The following SDCCAG8 variants were observed in gnomAD, a reference collection of about 807,000 sequenced individuals.
The protein encoded by SDCCAG8 is SHH signaling and ciliogenesis regulator SDCCAG8.
A neutral mutation model predicts 101.8 loss-of-function variants in SDCCAG8; 74 were observed. That is an observed-to-expected ratio of 0.73 (90% CI 0.60 to 0.88). The LOEUF (loss-of-function observed/expected upper bound fraction) is 0.88. Among genes scored for constraint, SDCCAG8 ranks in the 40% least tolerant of loss-of-function variants. The pLI is 0.00. For synonymous variants in SDCCAG8, 281 were observed against 292.9 expected (o/e 0.96, Z 0.41); for missense variants, 787 against 822.6 (o/e 0.96, Z 0.53).
At chr1:243,496,273 G>A (rs1000796916) in intron 17 of SDCCAG8, among the ~76,000 whole-genome samples, 3 of 152,218 alleles carry the variant, frequency 2.0e-5, no homozygotes, top group African/African-American at 7.2e-5. Flanking sequence ...GCGGGTGCGG[G>A]CGGAGCCGGG....
intron 8 of SDCCAG8, 94 bp from the exon 9 acceptor site, chr1:243,316,661 C>T: frequency 6.7e-7 from 1 of 1,498,450 alleles, no homozygotes; most frequent in Non-Finnish European, 9.3e-7. Flanking sequence ...TACCCTGGCT[C>T]TTCTAATACA....
chr1:243,472,551 C>T (rs1423010869), intron 16 of SDCCAG8, among the ~76,000 whole-genome samples: 1 of 152,220 alleles, frequency 6.6e-6, no homozygotes, highest in Non-Finnish European at 1.5e-5. Flanking sequence ...CACTTATGGT[C>T]AGCTGTGTCC....
intron 12 of SDCCAG8, among the ~76,000 whole-genome samples, chr1:243,355,170 AT>A (rs2076314450): frequency 6.6e-6 from 1 of 152,244 alleles, no homozygotes; most frequent in African/African-American, 2.4e-5. Context: ...TTACACTTAC[AT>A]TTAGGAAAAA....
chr1:243,353,218 T>C (rs2147822852), intron 12 of SDCCAG8, among the ~76,000 whole-genome samples: 1 of 151,950 alleles, frequency 6.6e-6, no homozygotes, highest in African/African-American at 2.4e-5. Flanking sequence ...GGGCCAGCCG[T>C]GGTGGCTCAT....
intron 12 of SDCCAG8, among the ~76,000 whole-genome samples, chr1:243,367,753 T>C (rs1246167660): frequency 6.7e-6 from 1 of 149,064 alleles, no homozygotes; most frequent in Admixed American, 6.7e-5. Flanking sequence ...ATAATATTAA[T>C]ATAATATATA....
intron 9 of SDCCAG8, among the ~76,000 whole-genome samples, chr1:243,318,816 G>A (rs774193070): frequency 4.6e-5 from 7 of 152,172 alleles, no homozygotes; most frequent in Non-Finnish European, 1.0e-4. Flanking sequence ...CTTCACTCCT[G>A]ACTGCCATTT....
rs1661821077 is a variant in SDCCAG8 at position 243,474,008 on chromosome 1, T to C, written c.1986-15006T>C. ...CAATTAAGTCACATGAGAAGCTTAA[T>C]CACTAACATAGAAATGTAAACGGGT... On this transcript the variant is annotated intron_variant, in intron 16 of 17. Coordinates refer to ENST00000366541, the MANE Select transcript of SDCCAG8 (RefSeq NM_006642.5). This position sits in a 1 kb window ranked among gnomAD's most constrained non-coding sequence, Gnocchi z 4.7. Among the ~76,000 whole-genome samples, 1 of 142,114 alleles carries C rather than the reference T, an allele frequency of 7.0e-6. No individual in the cohort carries two copies. Among genetic ancestry groups the C allele is most frequent in the Non-Finnish European group, 1.5e-5 (1 of 66,454 alleles). 93.2% of individuals were successfully genotyped at this position (142,114 alleles called of 152,430 possible).
intron 9 of SDCCAG8, among the ~76,000 whole-genome samples, chr1:243,328,240 G>C (rs554671482): frequency 6.6e-6 from 1 of 151,662 alleles, no homozygotes; most frequent in Non-Finnish European, 1.5e-5. Context: ...TTGGTTACAC[G>C]CTAAGAGACA....
chr1:243,413,746 C>T (rs2080355440), intron 13 of SDCCAG8, among the ~76,000 whole-genome samples: 1 of 152,140 alleles, frequency 6.6e-6, no homozygotes, highest in Non-Finnish European at 1.5e-5. Flanking sequence ...ATTTCTATCT[C>T]TGGCTCCTGC....
intron 7 of SDCCAG8, among the ~76,000 whole-genome samples, chr1:243,307,013 A>G (rs368590222): frequency 9.2e-5 from 14 of 151,722 alleles, no homozygotes; most frequent in African/African-American, 3.1e-4. Context: ...ATGGAGATAA[A>G]GTTCCTGCCT....
rs577479249 is a variant in SDCCAG8 at position 243,478,442 on chromosome 1, C to G, written c.1986-10572C>G. ...CATGAGAAGAGCAGGACTTGATCCCCCCATCACTTGGGGGCATCCCCAAGG... is the reference window on the plus strand; with the variant it reads ...CATGAGAAGAGCAGGACTTGATCCCGCCATCACTTGGGGGCATCCCCAAGG... On this transcript the variant is annotated intron_variant, in intron 16 of 17. Coordinates refer to ENST00000366541, the MANE Select transcript of SDCCAG8 (RefSeq NM_006642.5). 8.1e-4 allele frequency among the ~76,000 whole-genome samples: 124 copies of G among 152,270 alleles called. 1 individual carries two copies. Among genetic ancestry groups the G allele is most frequent in the Middle Eastern group, 3.4e-3 (1 of 294 alleles).
chr1:243,284,553 G>A (rs2069399361), intron 4 of SDCCAG8, among the ~76,000 whole-genome samples: 1 of 152,182 alleles, frequency 6.6e-6, no homozygotes. Flanking sequence ...AGTCTCCCCT[G>A]CCCTTTAAGT....
intron 12 of SDCCAG8, among the ~76,000 whole-genome samples, chr1:243,350,376 T>G (rs2147813889): frequency 6.6e-6 from 1 of 151,852 alleles, no homozygotes; most frequent in South Asian, 2.1e-4. Flanking sequence ...CCCCAGCTAT[T>G]TTGTTGTTGT....
chr1:243,377,591 T>C (rs1336159093), intron 12 of SDCCAG8, among the ~76,000 whole-genome samples: 3 of 152,000 alleles, frequency 2.0e-5, no homozygotes, highest in African/African-American at 7.2e-5. Flanking sequence ...TATACTGTTA[T>C]GAATTCAAGA....
intron 16 of SDCCAG8, among the ~76,000 whole-genome samples, chr1:243,485,059 A>AGAG (rs1664526333): frequency 6.6e-6 from 1 of 151,482 alleles, no homozygotes; most frequent in African/African-American, 2.4e-5. Context: ...AAAAAAAAGA[A>AGAG]GAAGAAGCAG....
intron 13 of SDCCAG8, among the ~76,000 whole-genome samples, chr1:243,379,206 G>A (rs1321365936): frequency 6.6e-6 from 1 of 152,124 alleles, no homozygotes; most frequent in Non-Finnish European, 1.5e-5. Context: ...AGGATGTGAG[G>A]AATTCATTTA....
In SDCCAG8 at chr1:243,346,842, G is replaced by T. The variant is rs146713434; in HGVS notation, c.1473+2511G>T. 1.1e-4 allele frequency among the ~76,000 whole-genome samples: 17 copies of T among 152,208 alleles called. No individual in the cohort carries two copies. In the East Asian group the frequency reaches 3.3e-3, roughly 29 times the overall value. On this transcript the variant is annotated intron_variant, in intron 12 of 17. Coordinates refer to ENST00000366541, the MANE Select transcript of SDCCAG8 (RefSeq NM_006642.5). ...GAAATATGCTCTTTGATTTTTATGA[G>T]AAATTTTTTTAGGCAATGGTTATAC...
chr1:243,459,188 T>C (rs1047693055), intron 16 of SDCCAG8, among the ~76,000 whole-genome samples: 3 of 152,238 alleles, frequency 2.0e-5, no homozygotes, highest in Non-Finnish European at 4.4e-5. Flanking sequence ...CAATAGTCTT[T>C]ACAATAGTCT....
chr1:243,440,535 G>T (rs1337034892), intron 16 of SDCCAG8, among the ~76,000 whole-genome samples: 2 of 152,134 alleles, frequency 1.3e-5, no homozygotes, highest in Non-Finnish European at 2.9e-5. Flanking sequence ...AGAATTCCAG[G>T]AATTCTGGGA....
Sources: gnomAD v4.1 joint callset for allele counts (sites outside exome capture counted in the v4.1 genomes callset) on GRCh38, gnomAD v4.1.1 for gene constraint, Gnocchi (gnomAD v3.1) non-coding constraint, MANE v1.5 for transcripts, NCBI Gene and HGNC (gene_info 2026-07-23, HGNC 2026-07-21) for gene names.